The following LYPLAL1 variants were observed in gnomAD, a reference collection of about 807,000 sequenced individuals.
LYPLAL1 encodes lysophospholipase-like protein 1.
In LYPLAL1, 23 loss-of-function variants were observed where a neutral mutation model predicts 19.7. The ratio of observed to expected loss-of-function variants is 1.17; its 90% CI spans 0.84 to 1.65. The LOEUF is 1.65. LYPLAL1 is among the 40% of genes most tolerant of loss of function. LYPLAL1 has a pLI of 0.00. For synonymous variants in LYPLAL1, 119 were observed against 96.3 expected, an observed-to-expected ratio of 1.24 and a Z score of -1.38; for missense variants, 355 against 279.4, an observed-to-expected ratio of 1.27 and a Z score of -1.93.
chr1:219,299,562 A>G, the LYPLAL1 span, among the ~76,000 whole-genome samples: 3 of 152,056 alleles, frequency 2.0e-5, no homozygotes, highest in East Asian at 1.9e-4. Context: ...GGAAAGTTCA[A>G]ATCAGAAAGG....
the LYPLAL1 span, among the ~76,000 whole-genome samples, chr1:219,413,801 G>T: frequency 6.6e-6 from 1 of 152,148 alleles, no homozygotes; most frequent in African/African-American, 2.4e-5. Context: ...CACGTGCTAG[G>T]CACTGGAAGC....
chr1:219,279,340 C>T, the LYPLAL1 span, among the ~76,000 whole-genome samples: 6 of 152,134 alleles, frequency 3.9e-5, no homozygotes, highest in African/African-American at 7.2e-5. Flanking sequence ...AAATGGGGCA[C>T]GCCATCAGGT....
chr1:219,210,423 A>C (rs1658919469), intron 3 of LYPLAL1, 109 bp from the exon 4 acceptor site: 4 of 729,470 alleles, frequency 5.5e-6, no homozygotes, highest in Non-Finnish European at 8.4e-6. Context: ...TCTTTTTAGC[A>C]TTCTCTTTAA....
At chr1:219,259,302 C>T in the LYPLAL1 span, among the ~76,000 whole-genome samples, 1 of 151,768 alleles carries the variant, frequency 6.6e-6, no homozygotes, top group South Asian at 2.1e-4. Context: ...AACAAAGACA[C>T]TTGGACACAA....
At chr1:219,437,049 C>T in the LYPLAL1 span, 15 of 152,202 alleles carry the variant, frequency 9.9e-5, no homozygotes, top group Admixed American at 2.0e-4. Flanking sequence ...TGAACCACCT[C>T]TCTTACCTCT....
At chr1:219,352,610 G>T in the LYPLAL1 span, among the ~76,000 whole-genome samples, 3 of 152,114 alleles carry the variant, frequency 2.0e-5, no homozygotes, top group African/African-American at 7.2e-5. Context: ...TATAGTAGGC[G>T]TTCAGTAAAG....
At chr1:219,254,487 C>A in the LYPLAL1 span, among the ~76,000 whole-genome samples, 1 of 151,916 alleles carries the variant, frequency 6.6e-6, no homozygotes, top group African/African-American at 2.4e-5. Context: ...TAATGAATTC[C>A]CTCAACATTT....
At chr1:219,353,075 T>C in the LYPLAL1 span, among the ~76,000 whole-genome samples, 4 of 152,214 alleles carry the variant, frequency 2.6e-5, no homozygotes, top group South Asian at 8.3e-4. Flanking sequence ...TGAAAAGCTG[T>C]CAGCACAAGA....
chr1:219,385,959 CATT>C, the LYPLAL1 span, among the ~76,000 whole-genome samples: 3 of 152,104 alleles, frequency 2.0e-5, no homozygotes, highest in African/African-American at 7.2e-5. Flanking sequence ...CTTTGAAACA[CATT>C]GTTGTAGGCC....
chr1:219,312,973 T>C, the LYPLAL1 span, among the ~76,000 whole-genome samples: 1 of 152,248 alleles, frequency 6.6e-6, no homozygotes. Context: ...ACTTCAATGA[T>C]TCCTGTCTTC....
chr1:219,372,796 C>T, the LYPLAL1 span, among the ~76,000 whole-genome samples: 4 of 151,790 alleles, frequency 2.6e-5, no homozygotes, highest in Admixed American at 1.3e-4. Flanking sequence ...CCCAGCTACC[C>T]GGGAGGCTGA....
chr1:219,366,401 G>C, the LYPLAL1 span, among the ~76,000 whole-genome samples: 1 of 152,076 alleles, frequency 6.6e-6, no homozygotes, highest in African/African-American at 2.4e-5. Flanking sequence ...ATTTTTCACT[G>C]GGTTATGTTT....
the LYPLAL1 span, among the ~76,000 whole-genome samples, chr1:219,406,941 T>C: frequency 6.6e-6 from 1 of 152,264 alleles, no homozygotes; most frequent in East Asian, 1.9e-4. Flanking sequence ...ACCTCAAATA[T>C]AACTGAATCT....
chr1:219,385,763 G>A, the LYPLAL1 span, among the ~76,000 whole-genome samples: 171 of 152,272 alleles, frequency 1.1e-3, 1 homozygote, highest in Non-Finnish European at 2.0e-3. Context: ...GTAATTGCAC[G>A]CTGTAATTTG....
chr1:219,348,580 GAT>G, the LYPLAL1 span, among the ~76,000 whole-genome samples: 1 of 151,972 alleles, frequency 6.6e-6, no homozygotes, highest in African/African-American at 2.4e-5. Context: ...CTTGAGTACT[GAT>G]ATACTCGACT....
chr1:219,302,648 G>A, the LYPLAL1 span, among the ~76,000 whole-genome samples: 2 of 152,106 alleles, frequency 1.3e-5, no homozygotes, highest in South Asian at 2.1e-4. Context: ...ACATGAGAAA[G>A]GTATCCAAAC....
the LYPLAL1 span, among the ~76,000 whole-genome samples, chr1:219,303,202 G>A: frequency 2.0e-5 from 3 of 151,916 alleles, no homozygotes; most frequent in South Asian, 2.1e-4. Context: ...TTATTTGTGC[G>A]TTTGTTTTCA....
At chr1:219,176,773 T>A (rs781394464) in intron 1 of LYPLAL1, among the ~76,000 whole-genome samples, 2 of 152,214 alleles carry the variant, frequency 1.3e-5, no homozygotes, top group Non-Finnish European at 2.9e-5. Flanking sequence ...TGGAGATTCA[T>A]AGATTCTATT....
chr1:219,399,270 G>A, the LYPLAL1 span, among the ~76,000 whole-genome samples: 5 of 152,142 alleles, frequency 3.3e-5, no homozygotes, highest in Admixed American at 2.0e-4. Context: ...CATTCTCAGT[G>A]TACTACAGAC....
Sources: gnomAD v4.1 joint callset for allele counts (sites outside exome capture counted in the v4.1 genomes callset) on GRCh38, gnomAD v4.1.1 for gene constraint, MANE v1.5 for transcripts, NCBI Gene and HGNC (gene_info 2026-07-23, HGNC 2026-07-21) for gene names.